HS3ST2: variants seen among roughly 807,000 people sequenced by gnomAD.
HS3ST2 encodes heparan sulfate glucosamine 3-O-sulfotransferase 2.
In HS3ST2, 17 loss-of-function variants were observed where a neutral mutation model predicts 26.3. The observed-to-expected ratio is 0.65, with a 90% CI of 0.44 to 0.97. HS3ST2 has a LOEUF of 0.97. Ranked by LOEUF, HS3ST2 falls within the 50% of genes least tolerant of loss-of-function variation. The pLI, the probability that HS3ST2 is intolerant of heterozygous loss-of-function variation, is 0.00. For missense variants in HS3ST2, 402 were observed against 501.2 expected (o/e 0.80, Z 1.89); for synonymous variants, 237 against 219.2 (o/e 1.08, Z -0.72).
At chr16:22,837,541 A>G (rs1901281549) in intron 1 of HS3ST2, among the ~76,000 whole-genome samples, 1 of 140,704 alleles carries the variant, frequency 7.1e-6, no homozygotes, top group East Asian at 2.0e-4. Context: ...ATACACAGAT[A>G]TATGTATATA....
chr16:22,833,476 C>T, intron 1 of HS3ST2: 2 of 380,562 alleles, frequency 5.3e-6, no homozygotes, highest in Non-Finnish European at 1.1e-5. Flanking sequence ...AATAGATTAA[C>T]AAAATGGGGA....
chr16:22,839,237 A>G (rs1450074079), intron 1 of HS3ST2, among the ~76,000 whole-genome samples: 1 of 152,234 alleles, frequency 6.6e-6, no homozygotes, highest in Non-Finnish European at 1.5e-5. Context: ...ACCAGACGGG[A>G]TGGGGCAGGA....
intron 1 of HS3ST2, among the ~76,000 whole-genome samples, chr16:22,860,672 T>C (rs1356026277): frequency 6.6e-6 from 1 of 152,108 alleles, no homozygotes; most frequent in Non-Finnish European, 1.5e-5. Flanking sequence ...CCAATAAATA[T>C]TTCTGGAAGG....
chr16:22,871,215 G>A (rs762407562), intron 1 of HS3ST2, among the ~76,000 whole-genome samples: 9 of 152,194 alleles, frequency 5.9e-5, no homozygotes, highest in Admixed American at 3.9e-4. Flanking sequence ...AATTAGCTGG[G>A]CGTGATGGTG....
intron 1 of HS3ST2, among the ~76,000 whole-genome samples, chr16:22,851,147 G>A (rs531342758): frequency 6.6e-6 from 1 of 152,324 alleles, no homozygotes; most frequent in East Asian, 1.9e-4. Flanking sequence ...AAGTCCCAGA[G>A]CATCATTTTT....
chr16:22,905,743 C>T (rs1045863137), intron 1 of HS3ST2, among the ~76,000 whole-genome samples: 7 of 152,098 alleles, frequency 4.6e-5, no homozygotes, highest in Non-Finnish European at 1.0e-4. Flanking sequence ...TGGCCAGGGA[C>T]AGTAAACATG....
intron 1 of HS3ST2, among the ~76,000 whole-genome samples, chr16:22,822,545 A>G (rs1378908662): frequency 6.6e-6 from 1 of 152,172 alleles, no homozygotes; most frequent in African/African-American, 2.4e-5. Context: ...CCTTCAGTTT[A>G]TATATTTTAG....
chr16:22,818,781 CT>C (rs1900920974), intron 1 of HS3ST2, among the ~76,000 whole-genome samples: 4 of 32,730 alleles, frequency 1.2e-4, no homozygotes, highest in Non-Finnish European at 2.1e-4. Context: ...TCCCTCCTTC[CT>C]TCCTTCCCTC....
At chr16:22,881,521 T>C (rs139940067) in intron 1 of HS3ST2, among the ~76,000 whole-genome samples, 3 of 152,218 alleles carry the variant, frequency 2.0e-5, no homozygotes, top group East Asian at 1.9e-4. Flanking sequence ...TTAAGCCATA[T>C]TGGAATGGAA....
In HS3ST2 at chr16:22,915,600, T is replaced by C; in HGVS notation, c.*38T>C. ...AAAGGGCTCTCAAGGGCTCTTCTGC[T>C]CATCTCTTCCGTGAGATTTGCTCCC... On this transcript the variant is annotated 3_prime_UTR_variant, in exon 2 of 2. Coordinates refer to ENST00000261374, the MANE Select transcript of HS3ST2 (RefSeq NM_006043.2). 1 of 1,578,198 alleles carries C rather than the reference T, an allele frequency of 6.3e-7. No homozygotes were observed. The highest frequency in any genetic ancestry group is 1.2e-5 in the South Asian group (1 of 84,302).
chr16:22,879,888 C>T (rs182699434), intron 1 of HS3ST2, among the ~76,000 whole-genome samples: 3 of 152,246 alleles, frequency 2.0e-5, no homozygotes, highest in Admixed American at 2.0e-4. Flanking sequence ...TGACCATGAA[C>T]CCCAGACTGG....
In HS3ST2 at chr16:22,814,609, C is replaced by T; in HGVS notation, c.-2C>T. 6.5e-7 allele frequency: 1 copy of T among 1,535,106 alleles called. No individual in the cohort carries two copies. On this transcript the variant is annotated 5_prime_UTR_variant, in exon 1 of 2. Coordinates refer to ENST00000261374, the MANE Select transcript of HS3ST2 (RefSeq NM_006043.2). ...TGACCCCCGGCGCGGGCCCATGGAG[C>T]CATGGCCTATAGGGTCCTGGGCCGC...
intron 1 of HS3ST2, among the ~76,000 whole-genome samples, chr16:22,828,397 C>T (rs1182751488): frequency 1.3e-5 from 2 of 152,146 alleles, no homozygotes; most frequent in African/African-American, 4.8e-5. Flanking sequence ...GAGGTGGCTG[C>T]CATGATGACA....
chr16:22,881,429 G>T (rs1176809778), intron 1 of HS3ST2, among the ~76,000 whole-genome samples: 1 of 152,102 alleles, frequency 6.6e-6, no homozygotes, highest in Non-Finnish European at 1.5e-5. Flanking sequence ...TTCTTGCTCG[G>T]TCTCTACCCC....
chr16:22,814,320 C>A lies in HS3ST2; in HGVS notation c.-291C>A. 1 of 334,632 alleles carries A rather than the reference C, an allele frequency of 3.0e-6. No individual in the cohort carries two copies. Among genetic ancestry groups the A allele is most frequent in the Admixed American group, 4.9e-5 (1 of 20,432 alleles). The allele number at this position is 334,632 out of a possible 1,614,324, so 20.7% of individuals were successfully genotyped here. On this transcript the variant is annotated 5_prime_UTR_variant, in exon 1 of 2. Transcript: ENST00000261374. ...CTGGGCGCGCTCCGAACCCGGCGCA[C>A]GTAAGAGCCTGGGAGCGCCCGAGCC...
chr16:22,816,903 T>C (rs1258140113), intron 1 of HS3ST2, among the ~76,000 whole-genome samples: 1 of 152,186 alleles, frequency 6.6e-6, no homozygotes, highest in Non-Finnish European at 1.5e-5. Flanking sequence ...GGCTTTCAGA[T>C]AGTGTGCCCT....
chr16:22,822,410 C>T (rs1901007217), intron 1 of HS3ST2, among the ~76,000 whole-genome samples: 1 of 152,144 alleles, frequency 6.6e-6, no homozygotes, highest in African/African-American at 2.4e-5. Flanking sequence ...TCAAGCAATC[C>T]TTCTGCCTCC....
At chr16:22,901,116 A>G (rs771994738) in intron 1 of HS3ST2, among the ~76,000 whole-genome samples, 16 of 152,206 alleles carry the variant, frequency 1.1e-4, no homozygotes, top group Non-Finnish European at 2.2e-4. Context: ...ACAACAGCCA[A>G]GTGAAGTTGG....
chr16:22,893,736 G>A (rs1006757687), intron 1 of HS3ST2, among the ~76,000 whole-genome samples: 9 of 148,392 alleles, frequency 6.1e-5, no homozygotes. Context: ...AACACCACAT[G>A]TTCTCACTCA....
Sources: gnomAD v4.1 joint callset for allele counts (sites outside exome capture counted in the v4.1 genomes callset) on GRCh38, gnomAD v4.1.1 for gene constraint, MANE v1.5 for transcripts, NCBI Gene and HGNC (gene_info 2026-07-23, HGNC 2026-07-21) for gene names.